The following OR10J1 variants were observed in gnomAD, a reference collection of about 807,000 sequenced individuals.
The protein encoded by OR10J1 is olfactory receptor 10J1.
For synonymous variants in OR10J1, 202 were observed against 143.8 expected, an observed-to-expected ratio of 1.40 and a Z score of -2.89; for missense variants, 474 against 376.6, an observed-to-expected ratio of 1.26 and a Z score of -2.14.
the OR10J1 span, among the ~76,000 whole-genome samples, chr1:159,408,393 C>T: frequency 6.8e-6 from 1 of 147,382 alleles, no homozygotes; most frequent in South Asian, 2.1e-4. Context: ...CATATTCTCA[C>T]TCATAGGTGG....
the OR10J1 span, among the ~76,000 whole-genome samples, chr1:159,427,562 G>A: frequency 9.2e-5 from 14 of 151,858 alleles, no homozygotes; most frequent in African/African-American, 3.4e-4. Context: ...CAGATTTGGA[G>A]AAAAGGATAT....
the OR10J1 span, among the ~76,000 whole-genome samples, chr1:159,409,691 G>A: frequency 6.6e-6 from 1 of 151,890 alleles, no homozygotes; most frequent in African/African-American, 2.4e-5. Flanking sequence ...TATTTTAATG[G>A]CTCAAATGTT....
the OR10J1 span, among the ~76,000 whole-genome samples, chr1:159,419,740 C>A: frequency 6.6e-6 from 1 of 152,112 alleles, no homozygotes; most frequent in South Asian, 2.1e-4. Flanking sequence ...TGTTTTGTGT[C>A]CTAACATATG....
Position 159,440,011 on chromosome 1 carries a change from A to T in OR10J1, c.220A>T (p.Thr74Ser), listed in dbSNP as rs776452654. ...SMLSTSETVY[T>S]LVILPRMLSS... ...GCTGTCCACTTCAGAGACTGTATAT[A>T]CATTGGTCATTCTCCCAAGAATGCT... Residue 74 changes from threonine to serine, a missense_variant, in exon 1 of 1, where the codon ACA becomes TCA. Physicochemically the swap from Thr to Ser is moderately conservative, Grantham distance 58 (BLOSUM62 1). Coordinates refer to ENST00000423932, the MANE Select transcript of OR10J1 (RefSeq NM_012351.3). The T allele has an allele frequency of 6.2e-7, 1 of 1,614,064 alleles. No individual in the cohort carries two copies. The highest frequency in any genetic ancestry group is 8.5e-7 in the Non-Finnish European group (1 of 1,180,044).
chr1:159,402,717 A>G, the OR10J1 span, among the ~76,000 whole-genome samples: 2 of 152,142 alleles, frequency 1.3e-5, no homozygotes, highest in Non-Finnish European at 2.9e-5. Context: ...TGCAATCCCT[A>G]TAAAAATACC....
chr1:159,435,375 G>T (rs982712241), upstream of OR10J1, among the ~76,000 whole-genome samples: 19 of 152,072 alleles, frequency 1.2e-4, no homozygotes, highest in Admixed American at 3.9e-4. Context: ...AATAAATACT[G>T]ACAAAAGCAT....
the OR10J1 span, among the ~76,000 whole-genome samples, chr1:159,416,055 T>G: frequency 2.1e-4 from 32 of 152,160 alleles, no homozygotes; most frequent in Non-Finnish European, 3.7e-4. Context: ...TTTACTAAAT[T>G]TATTTGTAGA....
the OR10J1 span, among the ~76,000 whole-genome samples, chr1:159,414,293 T>C: frequency 6.6e-6 from 1 of 152,064 alleles, no homozygotes. Context: ...TTCTGTTCTC[T>C]ACCTCGATGA....
the OR10J1 span, among the ~76,000 whole-genome samples, chr1:159,430,274 A>C: frequency 6.6e-6 from 1 of 152,036 alleles, no homozygotes; most frequent in Non-Finnish European, 1.5e-5. Context: ...TCTCATTGAA[A>C]TGCTGTCCAG....
At chr1:159,437,210 GT>G (rs1298947145), upstream of OR10J1, among the ~76,000 whole-genome samples, 1 of 152,178 alleles carries the variant, frequency 6.6e-6, no homozygotes, top group Non-Finnish European at 1.5e-5. Context: ...AAGCTAATTT[GT>G]TTCCTAGCCT....
chr1:159,423,939 T>C, the OR10J1 span, among the ~76,000 whole-genome samples: 1 of 152,188 alleles, frequency 6.6e-6, no homozygotes, highest in Admixed American at 6.5e-5. Flanking sequence ...GTTTCTAACA[T>C]TAAAAGCCAC....
chr1:159,399,558 G>A, the OR10J1 span, among the ~76,000 whole-genome samples: 6 of 119,858 alleles, frequency 5.0e-5, no homozygotes, highest in Admixed American at 3.0e-4. Context: ...GCGATAGAGC[G>A]AGATTCTGTC....
At chr1:159,424,092 C>T in the OR10J1 span, among the ~76,000 whole-genome samples, 19 of 151,644 alleles carry the variant, frequency 1.3e-4, no homozygotes, top group African/African-American at 3.1e-4. Flanking sequence ...GGCAGGTGCC[C>T]GTAATCCCAG....
the OR10J1 span, among the ~76,000 whole-genome samples, chr1:159,430,668 T>TGTGTGTGTGTGTGCGCGCGC: frequency 1.0e-4 from 7 of 69,610 alleles, no homozygotes; most frequent in African/African-American, 2.2e-4. Flanking sequence ...TGTGTGTGTG[T>TGTGTGTGTGTGTGCGCGCGC]GCGCGCGCGC....
chr1:159,413,661 G>A, the OR10J1 span, among the ~76,000 whole-genome samples: 1 of 148,912 alleles, frequency 6.7e-6, no homozygotes, highest in African/African-American at 2.5e-5. Flanking sequence ...GACACAGGAA[G>A]GGGAACATCA....
Position 159,440,030 on chromosome 1 carries a change from G to A in OR10J1, c.239G>A (p.Arg80Lys). Reference sequence around the variant, plus strand: ...GTATATACATTGGTCATTCTCCCAAGAATGCTCTCCAGCCTCGTAGGTATG... The same window carrying A: ...GTATATACATTGGTCATTCTCCCAAAAATGCTCTCCAGCCTCGTAGGTATG... ...ETVYTLVILPRMLSSLVGMSQ... is the reference protein window; with the variant it reads ...ETVYTLVILPKMLSSLVGMSQ... Residue 80 changes from arginine to lysine, a missense_variant, in exon 1 of 1, where the codon AGA (arginine) becomes AAA (lysine). Physicochemically the swap from Arg to Lys is conservative, Grantham distance 26. Coordinates refer to ENST00000423932, the MANE Select transcript of OR10J1 (RefSeq NM_012351.3). The A allele has an allele frequency of 1.2e-6, 2 of 1,614,118 alleles. No individual in the cohort carries two copies. Among genetic ancestry groups the A allele is most frequent in the Non-Finnish European group, 1.7e-6 (2 of 1,180,020 alleles).
At chr1:159,404,212 A>G in the OR10J1 span, among the ~76,000 whole-genome samples, 2 of 152,182 alleles carry the variant, frequency 1.3e-5, no homozygotes, top group Non-Finnish European at 1.5e-5. Flanking sequence ...CAGGATGACT[A>G]TAGTCAAAAA....
chr1:159,424,234 A>T, the OR10J1 span, among the ~76,000 whole-genome samples: 1 of 151,374 alleles, frequency 6.6e-6, no homozygotes, highest in African/African-American at 2.4e-5. Context: ...AAAAAGCCAC[A>T]CTGGAACAAG....
the OR10J1 span, among the ~76,000 whole-genome samples, chr1:159,423,046 G>A: frequency 2.0e-5 from 3 of 152,110 alleles, no homozygotes; most frequent in Non-Finnish European, 4.4e-5. Context: ...AATACCAGAT[G>A]CATCTAGTCA....
Sources: gnomAD v4.1 joint callset for allele counts (sites outside exome capture counted in the v4.1 genomes callset) on GRCh38, gnomAD v4.1.1 for gene constraint, MANE v1.5 for transcripts, NCBI Gene and HGNC (gene_info 2026-07-23, HGNC 2026-07-21) for gene names.